The following SUGCT variants were observed in gnomAD, a reference collection of about 807,000 sequenced individuals.
SUGCT encodes succinyl-CoA:glutarate-CoA transferase, also known as succinyl-CoA:glutarate CoA-transferase.
Under a neutral mutation model 55.0 loss-of-function variants are expected in SUGCT, and 41 were observed. The observed-to-expected ratio is 0.74, with a 90% confidence interval of 0.58 to 0.97. SUGCT has a LOEUF of 0.97. Ranked by LOEUF, SUGCT falls within the 50% of genes least tolerant of loss-of-function variation. The pLI is 0.00. For synonymous variants in SUGCT, 187 were observed against 200.4 expected (o/e 0.93, Z 0.56); for missense variants, 568 against 547.8 (o/e 1.04, Z -0.37).
At chr7:40,321,129 T>C (rs1584673957) in intron 9 of SUGCT, among the ~76,000 whole-genome samples, 1 of 86,864 alleles carries the variant, frequency 1.2e-5, no homozygotes, top group Non-Finnish European at 2.8e-5. Context: ...CAGGCTGGAG[T>C]GTATGGTGCG....
chr7:40,864,686 G>A (rs752611871), downstream of SUGCT, among the ~76,000 whole-genome samples: 2 of 152,112 alleles, frequency 1.3e-5, no homozygotes, highest in Non-Finnish European at 2.9e-5. Context: ...GAGATTTGGA[G>A]GAATGGGAAC....
At chr7:40,894,173 C>A in the SUGCT span, among the ~76,000 whole-genome samples, 1 of 152,052 alleles carries the variant, frequency 6.6e-6, no homozygotes, top group African/African-American at 2.4e-5. Flanking sequence ...AGAAATAATC[C>A]TGCACATGTA....
chr7:40,847,574 G>A (rs1262761196), intron 13 of SUGCT, among the ~76,000 whole-genome samples: 1 of 151,662 alleles, frequency 6.6e-6, no homozygotes, highest in East Asian at 1.9e-4. Flanking sequence ...GCATCACCAC[G>A]CCTGGCTAAT....
intron 12 of SUGCT, among the ~76,000 whole-genome samples, chr7:40,623,617 A>C (rs1022961778): frequency 6.6e-6 from 1 of 152,170 alleles, no homozygotes; most frequent in Non-Finnish European, 1.5e-5. Flanking sequence ...AATATGTACT[A>C]TTTTAGCTTT....
chr7:40,150,177 G>C (rs762809904), intron 1 of SUGCT, among the ~76,000 whole-genome samples: 2 of 152,194 alleles, frequency 1.3e-5, no homozygotes, highest in Non-Finnish European at 2.9e-5. Flanking sequence ...ATCAGTGCTT[G>C]AGATATTTTG....
intron 6 of SUGCT, among the ~76,000 whole-genome samples, chr7:40,230,487 A>G (rs973674625): frequency 5.3e-5 from 8 of 152,234 alleles, no homozygotes; most frequent in Admixed American, 3.3e-4. Context: ...AGCCACATGA[A>G]GAATAAACTG....
chr7:41,004,605 T>C, the SUGCT span, among the ~76,000 whole-genome samples: 1 of 152,228 alleles, frequency 6.6e-6, no homozygotes, highest in African/African-American at 2.4e-5. Flanking sequence ...GGAACTGCTA[T>C]GGCTCTAACA....
rs996222051 is a variant in SUGCT, at chr7:40,853,829, T to C, written c.1154-6487T>C. Among the ~76,000 whole-genome samples the C allele has an allele frequency of 3.9e-5, 6 of 152,240 alleles. No homozygotes were observed. The East Asian group carries it at 5.8e-4, about 15-fold the overall frequency. On this transcript the variant is annotated intron_variant, in intron 13 of 13. Coordinates refer to ENST00000335693, the MANE Select transcript of SUGCT (RefSeq NM_001193313.2). Reference sequence around the variant, plus strand: ...AATGAAATAATGAAACAAAAAGCCATAGTCCACAGTCATAGCGAATATCTA... The same window carrying C: ...AATGAAATAATGAAACAAAAAGCCACAGTCCACAGTCATAGCGAATATCTA...
chr7:40,706,941 G>A (rs1283841856), intron 12 of SUGCT, among the ~76,000 whole-genome samples: 1 of 152,180 alleles, frequency 6.6e-6, no homozygotes, highest in Non-Finnish European at 1.5e-5. Context: ...CCTTAAAAGA[G>A]TCTTCACAAA....
the SUGCT span, chr7:40,966,805 G>A: frequency 1.3e-5 from 2 of 152,152 alleles, no homozygotes; most frequent in Admixed American, 6.5e-5. Context: ...TGCCTAAAGT[G>A]ACTTAAACAT....
At chr7:40,663,381 G>A (rs1801432324) in intron 12 of SUGCT, among the ~76,000 whole-genome samples, 1 of 151,630 alleles carries the variant, frequency 6.6e-6, no homozygotes, top group African/African-American at 2.4e-5. Context: ...AAGTATTTCT[G>A]ACATTTTGGT....
intron 13 of SUGCT, among the ~76,000 whole-genome samples, chr7:40,845,632 G>T (rs1459557826): frequency 6.6e-6 from 1 of 152,168 alleles, no homozygotes; most frequent in African/African-American, 2.4e-5. Context: ...TCAAATAGGG[G>T]CATAGAGAGA....
At chr7:40,597,415 A>G (rs1184193647) in intron 12 of SUGCT, among the ~76,000 whole-genome samples, 2 of 152,218 alleles carry the variant, frequency 1.3e-5, no homozygotes, top group Non-Finnish European at 2.9e-5. Context: ...ACAGTAAAAT[A>G]TAATTCAATT....
At chr7:40,344,967 C>T (rs1009925954) in intron 9 of SUGCT, among the ~76,000 whole-genome samples, 3 of 152,260 alleles carry the variant, frequency 2.0e-5, no homozygotes, top group African/African-American at 7.2e-5. Flanking sequence ...ACATAGTATT[C>T]GATTCTCCAT....
Position 40,586,206 on chromosome 7 carries a change from G to A in SUGCT, c.1089+89820G>A, listed in dbSNP as rs1797369673. ...TCTATATAGAATTATATAGTTTTAA[G>A]TGTTAGGCAATGTTTTTAACTTAGA... On this transcript the variant is annotated intron_variant, in intron 12 of 13. Coordinates refer to ENST00000335693, the MANE Select transcript of SUGCT (RefSeq NM_001193313.2). 2.0e-5 allele frequency among the ~76,000 whole-genome samples: 3 copies of A among 152,078 alleles called. No homozygotes were observed. The South Asian group carries it at 6.2e-4, about 32-fold the overall frequency.
intron 9 of SUGCT, among the ~76,000 whole-genome samples, chr7:40,421,805 C>G (rs773190637): frequency 7.2e-5 from 11 of 152,160 alleles, no homozygotes; most frequent in Non-Finnish European, 1.5e-4. Flanking sequence ...ACTCTTAGGA[C>G]TGTGTACTCA....
chr7:40,643,750 TA>T (rs1325054247), intron 12 of SUGCT, among the ~76,000 whole-genome samples: 1 of 152,132 alleles, frequency 6.6e-6, no homozygotes, highest in African/African-American at 2.4e-5. Context: ...CTGAGGCCCG[TA>T]AAATGGAAAC....
chr7:40,724,665 T>C (rs1786523216), intron 12 of SUGCT, among the ~76,000 whole-genome samples: 1 of 150,994 alleles, frequency 6.6e-6, no homozygotes, highest in Non-Finnish European at 1.5e-5. Context: ...ATCAGTACAG[T>C]GCAATTTGAA....
intron 12 of SUGCT, among the ~76,000 whole-genome samples, chr7:40,723,946 C>G (rs1000711932): frequency 9.2e-5 from 14 of 152,106 alleles, no homozygotes; most frequent in African/African-American, 3.4e-4. Context: ...TGTGTATTTC[C>G]TGTCTGTTTC....
Sources: allele counts gnomAD v4.1 joint callset (sites outside exome capture counted in the v4.1 genomes callset), GRCh38; gene constraint gnomAD v4.1.1; transcripts MANE v1.5; gene names NCBI Gene and HGNC (gene_info 2026-07-23, HGNC 2026-07-21).